The following PPP1R9A variants were observed in gnomAD, a reference collection of about 807,000 sequenced individuals.
PPP1R9A encodes protein phosphatase 1 regulatory subunit 9A.
Under a neutral mutation model 141.9 loss-of-function variants are expected in PPP1R9A, and 59 were observed. The observed-to-expected ratio is 0.42, with a 90% confidence interval of 0.34 to 0.52. The LOEUF (loss-of-function observed/expected upper bound fraction) is 0.52, where lower values mean the gene tolerates loss of function less well. Among genes scored for constraint, PPP1R9A ranks in the 20% least tolerant of loss-of-function variants. The probability of loss-of-function intolerance (pLI) is 0.10; values close to 1 mark genes in which losing one functional copy is unlikely to be tolerated. For synonymous variants in PPP1R9A, 500 were observed against 569.7 expected (o/e 0.88, Z 1.74); for missense variants, 1,444 against 1,611.9 (o/e 0.90, Z 1.78).
At chr7:95,119,065 A>G (rs1187771735) in intron 3 of PPP1R9A, among the ~76,000 whole-genome samples, 1 of 152,108 alleles carries the variant, frequency 6.6e-6, no homozygotes. Context: ...AAAGTCTTTT[A>G]AAAGTGTCAT....
chr7:94,962,397 G>GT (rs1467834179), intron 2 of PPP1R9A, among the ~76,000 whole-genome samples: 4 of 151,496 alleles, frequency 2.6e-5, no homozygotes, highest in African/African-American at 4.8e-5. Flanking sequence ...GAAATTAGTG[G>GT]TTTTTTTAAT....
chr7:95,066,048 G>A (rs1273036442), intron 2 of PPP1R9A, among the ~76,000 whole-genome samples: 2 of 152,144 alleles, frequency 1.3e-5, no homozygotes, highest in East Asian at 3.9e-4. Context: ...CCAAGTTCAT[G>A]TGTTAAAGTC....
intron 2 of PPP1R9A, among the ~76,000 whole-genome samples, chr7:94,931,497 G>A (rs1271226750): frequency 6.6e-6 from 1 of 152,046 alleles, no homozygotes; most frequent in African/African-American, 2.4e-5. Context: ...CAAATACTAG[G>A]TATACTAACC....
chr7:95,282,743 T>G (rs1297763449), intron 16 of PPP1R9A, among the ~76,000 whole-genome samples: 1 of 152,172 alleles, frequency 6.6e-6, no homozygotes, highest in Non-Finnish European at 1.5e-5. Context: ...TCTCAATATT[T>G]TATCAGAACC....
chr7:95,009,699 A>G (rs1437818683), intron 2 of PPP1R9A, among the ~76,000 whole-genome samples: 2 of 152,180 alleles, frequency 1.3e-5, no homozygotes, highest in African/African-American at 2.4e-5. Context: ...GGAGCTTGGA[A>G]TTATTGACAG....
At chr7:95,271,557 C>T (rs910774598) in intron 14 of PPP1R9A, among the ~76,000 whole-genome samples, 132 of 152,124 alleles carry the variant, frequency 8.7e-4, no homozygotes, top group South Asian at 6.2e-4. Context: ...AGGTCATGAG[C>T]GCAAGAGAGA....
chr7:94,968,162 T>C (rs1461661163), intron 2 of PPP1R9A, among the ~76,000 whole-genome samples: 1 of 152,114 alleles, frequency 6.6e-6, no homozygotes, highest in Non-Finnish European at 1.5e-5. Flanking sequence ...TACCATTATG[T>C]AATGCCCTTC....
chr7:95,110,028 G>C (rs1402900031), intron 2 of PPP1R9A, among the ~76,000 whole-genome samples: 1 of 152,066 alleles, frequency 6.6e-6, no homozygotes, highest in Non-Finnish European at 1.5e-5. Flanking sequence ...AGTGGCATGA[G>C]GCTATGAAAA....
At chr7:95,187,385 G>A (rs1272794985) in intron 5 of PPP1R9A, among the ~76,000 whole-genome samples, 1 of 151,912 alleles carries the variant, frequency 6.6e-6, no homozygotes, top group East Asian at 1.9e-4. Context: ...TTCTAATTGA[G>A]CTTATTCGGA....
At chr7:94,966,545 A>C (rs376094124) in intron 2 of PPP1R9A, among the ~76,000 whole-genome samples, 1 of 152,172 alleles carries the variant, frequency 6.6e-6, no homozygotes, top group Non-Finnish European at 1.5e-5. Flanking sequence ...ATTTTATTGA[A>C]GGCCTTTTCT....
At chr7:95,062,799 A>T (rs1812418067) in intron 2 of PPP1R9A, among the ~76,000 whole-genome samples, 1 of 152,122 alleles carries the variant, frequency 6.6e-6, no homozygotes, top group South Asian at 2.1e-4. Flanking sequence ...TTAAAAAAAA[A>T]ATAGCCATAA....
chr7:95,138,354 T>G (rs868241105), intron 4 of PPP1R9A, among the ~76,000 whole-genome samples: 1 of 152,226 alleles, frequency 6.6e-6, no homozygotes, highest in African/African-American at 2.4e-5. Context: ...AAACCCTGTT[T>G]CACACCATAT....
In PPP1R9A at chr7:95,269,250, T is replaced by C. The variant is rs746197033; in HGVS notation, c.2867T>C (p.Leu956Pro). ...AACCACATGCATATTACCAAATTACTTCCACCTAAGGGTTTGAGAACGTCT... is the reference window on the plus strand; with the variant it reads ...AACCACATGCATATTACCAAATTACCTCCACCTAAGGGTTTGAGAACGTCT... ...FYNHMHITKL[L>P]PPKGLRTSSP... Residue 956 changes from leucine to proline, a missense_variant, in exon 14 of 20, where the codon CTT becomes CCT. Physicochemically the swap from Leu to Pro is moderately conservative, Grantham distance 98 (BLOSUM62 -3). This residue lies in a region of PPP1R9A where 459 missense variants were observed against 513.8 expected (regional missense o/e 0.89). Transcript: ENST00000433360. 6.4e-7 allele frequency: 1 copy of C among 1,565,516 alleles called. No homozygotes were observed. The highest frequency in any genetic ancestry group is 8.7e-7 in the Non-Finnish European group (1 of 1,149,568).
intron 2 of PPP1R9A, among the ~76,000 whole-genome samples, chr7:95,080,083 G>A (rs1040291284): frequency 3.9e-5 from 6 of 152,070 alleles, no homozygotes; most frequent in Admixed American, 1.3e-4. Context: ...GGAAGTTCTG[G>A]CCAGGGCAAT....
intron 7 of PPP1R9A, among the ~76,000 whole-genome samples, chr7:95,220,295 C>T (rs1235230013): frequency 6.6e-6 from 1 of 152,084 alleles, no homozygotes; most frequent in African/African-American, 2.4e-5. Flanking sequence ...CTCCTTTATT[C>T]TCTCACAGAA....
intron 2 of PPP1R9A, among the ~76,000 whole-genome samples, chr7:94,925,230 G>C (rs1450592506): frequency 2.6e-5 from 4 of 152,098 alleles, no homozygotes; most frequent in Non-Finnish European, 5.9e-5. Context: ...GGGGGAGTCA[G>C]TCTGTTGTCC....
intron 2 of PPP1R9A, among the ~76,000 whole-genome samples, chr7:95,056,976 T>C (rs1438724422): frequency 6.6e-6 from 1 of 152,144 alleles, no homozygotes; most frequent in East Asian, 1.9e-4. Context: ...GATTAAGTTA[T>C]TAATGTGATT....
At chr7:94,947,439 G>A (rs905247651) in intron 2 of PPP1R9A, among the ~76,000 whole-genome samples, 2 of 152,174 alleles carry the variant, frequency 1.3e-5, no homozygotes, top group African/African-American at 4.8e-5. Context: ...TACAAGGAAG[G>A]TTGAGCAGAG....
intron 2 of PPP1R9A, among the ~76,000 whole-genome samples, chr7:95,076,159 T>C (rs1450396940): frequency 6.6e-6 from 1 of 152,104 alleles, no homozygotes; most frequent in Non-Finnish European, 1.5e-5. Context: ...CACCTTGGCC[T>C]CCGAAAGTGC....
Sources: allele counts gnomAD v4.1 joint callset (sites outside exome capture counted in the v4.1 genomes callset), GRCh38; gene constraint gnomAD v4.1.1; regional missense constraint gnomAD v4.1.1; transcripts MANE v1.5; gene names NCBI Gene and HGNC (gene_info 2026-07-23, HGNC 2026-07-21).